The following VAPB variants were observed in gnomAD, a reference collection of about 807,000 sequenced individuals.
VAPB encodes the protein VAMP associated protein B and C.
VAPB carries 7 observed loss-of-function variants against 25.6 expected under a neutral mutation model. The ratio of observed to expected loss-of-function variants is 0.27; its 90% confidence interval spans 0.16 to 0.51. The LOEUF (loss-of-function observed/expected upper bound fraction) is 0.51. VAPB is among the 20% of genes least tolerant of loss of function. The pLI, the probability that VAPB is intolerant of heterozygous loss-of-function variation, is 0.97. For missense variants in VAPB, 266 were observed against 301.3 expected (o/e 0.88, Z 0.87); for synonymous variants, 112 against 109.2 (o/e 1.03, Z -0.16).
Position 58,446,020 on chromosome 20 carries a change from G to T in VAPB, c.*1785G>T. 5 of 454,070 alleles carry T rather than the reference G, an allele frequency of 1.1e-5. No individual in the cohort carries two copies. Among genetic ancestry groups the T allele is most frequent in the South Asian group, 7.8e-5 (5 of 64,464 alleles). 28.1% of individuals were successfully genotyped at this position (454,070 alleles called of 1,614,324 possible). Reference sequence around the variant, plus strand: ...AGCTGGGTCAGGGGCCTTGAAACTGGAGAAGTGGAAGTCTATGGTTGGTCT... The same window carrying T: ...AGCTGGGTCAGGGGCCTTGAAACTGTAGAAGTGGAAGTCTATGGTTGGTCT... On this transcript the variant is annotated 3_prime_UTR_variant, in exon 6 of 6. Transcript: ENST00000475243.
chr20:58,417,066 CCTG>C (rs1296087669), intron 1 of VAPB, among the ~76,000 whole-genome samples: 3 of 152,164 alleles, frequency 2.0e-5, no homozygotes, highest in African/African-American at 4.8e-5. Flanking sequence ...ACCTTCACTT[CCTG>C]TTTCCTTGCA....
intron 1 of VAPB, among the ~76,000 whole-genome samples, chr20:58,399,248 C>T (rs1461672716): frequency 1.3e-5 from 2 of 150,454 alleles, no homozygotes; most frequent in African/African-American, 2.5e-5. Flanking sequence ...TGCAGTGAGC[C>T]GAGATCGTGC....
Position 58,389,523 on chromosome 20 carries a change from C to A in VAPB, c.58+6C>A. ...GCACGAGCTCAAATTCCGAGGTAAG[C>A]CCCAGAGGCCGCCACCTTCCTGCCC... On this transcript the variant is annotated splice_donor_region_variant and intron_variant, in intron 1 of 5. Transcript: ENST00000475243. 6.3e-7 allele frequency: 1 copy of A among 1,580,276 alleles called. No individual in the cohort carries two copies. Among genetic ancestry groups the A allele is most frequent in the Middle Eastern group, 2.1e-4 (1 of 4,708 alleles).
rs777977641 is a variant in VAPB at position 58,447,085 on chromosome 20, T to C, written c.*2850T>C. On this transcript the variant is annotated 3_prime_UTR_variant, in exon 6 of 6. Coordinates refer to ENST00000475243, the MANE Select transcript of VAPB (RefSeq NM_004738.5). ...GAGCTGCTGCCAGGCTGCCCTCCAG[T>C]CTGCTCCTGTGGTTACTGGCTCCAC... The C allele has an allele frequency of 5.6e-4, 256 of 453,944 alleles. No homozygotes were observed. The highest frequency in any genetic ancestry group is 1.2e-3 in the Admixed American group (53 of 42,562). 28.1% of individuals were successfully genotyped at this position (453,944 alleles called of 1,614,324 possible). A position where few individuals can be genotyped will look rare whatever the true frequency, so the allele number is the denominator to read the frequency against.
chr20:58,400,396 T>C (rs1476543417), intron 1 of VAPB, among the ~76,000 whole-genome samples: 4 of 152,236 alleles, frequency 2.6e-5, no homozygotes, highest in African/African-American at 7.2e-5. Context: ...TATGGGCTCC[T>C]GAATATTTAA....
chr20:58,443,746 G>C (rs1330745333), intron 5 of VAPB, among the ~76,000 whole-genome samples: 1 of 152,094 alleles, frequency 6.6e-6, no homozygotes, highest in Non-Finnish European at 1.5e-5. Context: ...CATAGAGGTG[G>C]GTGGGGCCGA....
At chr20:58,418,415 A>C in intron 2 of VAPB, 52 bp downstream of exon 2, 1 of 1,595,378 alleles carries the variant, frequency 6.3e-7, no homozygotes, top group Non-Finnish European at 8.5e-7. Flanking sequence ...GCCCCTGGAC[A>C]GTAGGTTTTC....
rs183197400 is a variant in VAPB at position 58,448,562 on chromosome 20, A to G, written c.*4327A>G. Reference sequence around the variant, plus strand: ...TTTTTAGAACTAAATCAGTCTCTGTAAGGCCTACATTGCTAAGATACCATT... The same window carrying G: ...TTTTTAGAACTAAATCAGTCTCTGTGAGGCCTACATTGCTAAGATACCATT... On this transcript the variant is annotated 3_prime_UTR_variant, in exon 6 of 6. Transcript: ENST00000475243. The G allele has an allele frequency of 2.2e-3, 994 of 454,104 alleles. 1 individual carries two copies. The highest frequency in any genetic ancestry group is 3.7e-3 in the Non-Finnish European group (832 of 226,778). 28.1% of individuals were successfully genotyped at this position (454,104 alleles called of 1,614,324 possible).
intron 1 of VAPB, among the ~76,000 whole-genome samples, chr20:58,411,567 C>T (rs557549903): frequency 2.4e-4 from 36 of 152,370 alleles, no homozygotes; most frequent in African/African-American, 6.0e-4. Context: ...CCACCGCACC[C>T]GGCCAGACAT....
intron 4 of VAPB, 104 bp downstream of exon 4, chr20:58,439,129 T>A: frequency 9.2e-7 from 1 of 1,083,944 alleles, no homozygotes; most frequent in Non-Finnish European, 1.4e-6. Context: ...TTATTTTCCT[T>A]TATCTGATGT....
At chr20:58,437,426 G>A (rs775893425) in intron 3 of VAPB, among the ~76,000 whole-genome samples, 14 of 152,110 alleles carry the variant, frequency 9.2e-5, no homozygotes, top group African/African-American at 1.4e-4. Flanking sequence ...AGGTTGTTCC[G>A]CTGTTGGTGA....
Position 58,445,924 on chromosome 20 carries a change from T to C in VAPB, c.*1689T>C. ...TGTGCACAGGTTTGAGAGGACAAGT[T>C]CATCAGAAGGAAGGCAGTCCTTAGA... On this transcript the variant is annotated 3_prime_UTR_variant, in exon 6 of 6. Transcript: ENST00000475243. The C allele has an allele frequency of 2.2e-6, 1 of 454,044 alleles. No individual in the cohort carries two copies. Among genetic ancestry groups the C allele is most frequent in the Non-Finnish European group, 4.4e-6 (1 of 226,780 alleles). 28.1% of individuals were successfully genotyped at this position (454,044 alleles called of 1,614,324 possible).
chr20:58,428,721 T>C (rs943219302), intron 2 of VAPB, among the ~76,000 whole-genome samples: 3 of 152,240 alleles, frequency 2.0e-5, no homozygotes, highest in African/African-American at 7.2e-5. Flanking sequence ...TTTGCACATA[T>C]GGAGCTGAAA....
chr20:58,431,998 T>C (rs1379192388), intron 2 of VAPB, among the ~76,000 whole-genome samples: 2 of 152,182 alleles, frequency 1.3e-5, no homozygotes, highest in Non-Finnish European at 2.9e-5. Flanking sequence ...TTTTCCTTTC[T>C]TTCCTTCTTG....
At chr20:58,410,923 GTTTAT>G (rs555427270) in intron 1 of VAPB, among the ~76,000 whole-genome samples, 51 of 152,242 alleles carry the variant, frequency 3.3e-4, no homozygotes, top group African/African-American at 1.2e-3. Context: ...ATATACCACA[GTTTAT>G]TTTATCCACT....
At chr20:58,408,936 G>A (rs1988306313) in intron 1 of VAPB, among the ~76,000 whole-genome samples, 1 of 125,096 alleles carries the variant, frequency 8.0e-6, no homozygotes, top group Non-Finnish European at 1.6e-5. Flanking sequence ...AAACAGGAAA[G>A]GAACAAACAA....
intron 1 of VAPB, among the ~76,000 whole-genome samples, chr20:58,406,657 T>A (rs1988236702): frequency 6.6e-6 from 1 of 152,250 alleles, no homozygotes; most frequent in African/African-American, 2.4e-5. Flanking sequence ...CTTTTTCACA[T>A]GCTGTCATCT....
At chr20:58,437,231 G>T (rs1488008296) in intron 3 of VAPB, among the ~76,000 whole-genome samples, 1 of 151,510 alleles carries the variant, frequency 6.6e-6, no homozygotes, top group African/African-American at 2.4e-5. Context: ...CTCTCGAAGT[G>T]CTGGGATTAC....
chr20:58,431,677 C>A (rs1341200342), intron 2 of VAPB, among the ~76,000 whole-genome samples: 2 of 151,862 alleles, frequency 1.3e-5, no homozygotes, highest in African/African-American at 2.4e-5. Context: ...CCTAAGCAGT[C>A]CTTCCACCTC....
Sources: allele counts gnomAD v4.1 joint callset (sites outside exome capture counted in the v4.1 genomes callset), GRCh38; gene constraint gnomAD v4.1.1; transcripts MANE v1.5; gene names NCBI Gene and HGNC (gene_info 2026-07-23, HGNC 2026-07-21).